Variants in TMEM8B observed in about 807,000 individuals in gnomAD.
TMEM8B encodes the protein nasopharyngeal carcinoma expressed 6.
In TMEM8B, 29 loss-of-function variants were observed where a neutral mutation model predicts 49.3. The observed-to-expected ratio is 0.59, with a 90% CI of 0.44 to 0.80. The LOEUF is 0.80. TMEM8B is among the 30% of genes least tolerant of loss of function. TMEM8B has a pLI of 0.00. For missense variants in TMEM8B, 575 were observed against 658.5 expected, an observed-to-expected ratio of 0.87 and a Z score of 1.39; for synonymous variants, 264 against 272.8, an observed-to-expected ratio of 0.97 and a Z score of 0.32.
At chr9:35,850,012 C>T (rs1001809238) in intron 10 of TMEM8B, among the ~76,000 whole-genome samples, 5 of 152,198 alleles carry the variant, frequency 3.3e-5, no homozygotes, top group Admixed American at 6.5e-5. Flanking sequence ...CTTCTCATTA[C>T]GCCTTATATC....
At chr9:35,847,039 G>A (rs1181229876) in intron 10 of TMEM8B, 44 bp downstream of exon 10, 1 of 1,614,210 alleles carries the variant, frequency 6.2e-7, no homozygotes, top group Non-Finnish European at 8.5e-7. Context: ...GCTTGTGCAT[G>A]GTGGTGGGTC....
In TMEM8B at chr9:35,846,505, G is replaced by C. The variant is rs750230375; in HGVS notation, c.1890G>C (p.Arg630=). 9 of 1,596,122 alleles carry C rather than the reference G, an allele frequency of 5.6e-6. No individual in the cohort carries two copies. Among genetic ancestry groups the C allele is most frequent in the Non-Finnish European group, 7.7e-6 (9 of 1,171,470 alleles). The change falls in exon 9 of 13, where the codon CGG becomes CGC. Residue 630 remains arginine (R), a synonymous_variant. Coordinates refer to ENST00000643932, the MANE Select transcript of TMEM8B (RefSeq NM_001042590.4). ...GCCGCAACGCGACGGCCGAGGTGCG[G>C]ATGCGCACCTTCCTGTCCCCATGCG... ...VRCRNATAEV[R]MRTFLSPCVD...
In TMEM8B at chr9:35,842,447, G is replaced by T; in HGVS notation, c.1365G>T (p.Met455Ile). Residue 455 changes from methionine to isoleucine, a missense_variant, in exon 6 of 13, where the codon ATG becomes ATT. Physicochemically the swap from Met to Ile is conservative, Grantham distance 10. Transcript: ENST00000643932. This position sits in a 1 kb window ranked among gnomAD's most constrained non-coding sequence, Gnocchi z 5.6. ...TGGTCCCTGGAGCTGCCATGAACAT[G>T]CCCCAGTCCCTGGGCAACCAGCCAC... ...RALVPGAAMN[M>I]PQSLGNQPLP... 3.8e-6 allele frequency: 6 copies of T among 1,572,456 alleles called. No homozygotes were observed. Among genetic ancestry groups the T allele is most frequent in the Non-Finnish European group, 5.2e-6 (6 of 1,155,800 alleles).
At chr9:35,836,262 T>C (rs10738949) in intron 3 of TMEM8B, among the ~76,000 whole-genome samples, 129,535 of 152,098 alleles carry the variant, frequency 0.85, 55,919 homozygotes, top group Middle Eastern at 0.95. Flanking sequence ...GAGAACTCCC[T>C]ATCAAGGCCT....
Position 35,831,157 on chromosome 9 carries a change from A to T in TMEM8B, c.508+1202A>T, listed in dbSNP as rs142068403. On this transcript the variant is annotated intron_variant, in intron 1 of 12. Coordinates refer to ENST00000643932, the MANE Select transcript of TMEM8B (RefSeq NM_001042590.4). ...CCCCTGCAGAGATGTCTGGTCACTT[A>T]TGTGTATGTGTGTAACTGAGGGATT... is the stretch of plus-strand genomic sequence containing the variant. Among the ~76,000 whole-genome samples, 40 of 152,208 alleles carry T rather than the reference A, an allele frequency of 2.6e-4. No homozygotes were observed. The East Asian group carries it at 6.9e-3, about 26-fold the overall frequency.
At chr9:35,846,739 G>A in intron 9 of TMEM8B, 78 bp from the exon 10 acceptor site, 1 of 1,549,210 alleles carries the variant, frequency 6.5e-7, no homozygotes, top group Middle Eastern at 2.2e-4. Context: ...GCCGGGGTGA[G>A]ACCACCCTCC....
rs1391397338 is a variant in TMEM8B, at chr9:35,860,432, G to T, written c.*6592G>T. On this transcript the variant is annotated 3_prime_UTR_variant, in exon 13 of 13. Transcript: ENST00000643932. ...GTACCTATTCTGTGCTAGGTATCAG[G>T]TGCTGGGGCTATAGCAGTAAGGAAA... 6.6e-6 allele frequency: 1 copy of T among 152,208 alleles called. No homozygotes were observed. The highest frequency in any genetic ancestry group is 1.5e-5 in the Non-Finnish European group (1 of 68,044). 9.4% of individuals were successfully genotyped at this position (152,208 alleles called of 1,614,324 possible). A position where few individuals can be genotyped will look rare whatever the true frequency, so the allele number is the denominator to read the frequency against.
intron 3 of TMEM8B, among the ~76,000 whole-genome samples, chr9:35,838,575 T>G (rs1830664443): frequency 6.6e-6 from 1 of 152,174 alleles, no homozygotes; most frequent in South Asian, 2.1e-4. Context: ...CAGTCCTAAT[T>G]TCTTTGAATC....
Position 35,846,286 on chromosome 9 carries a change from C to T in TMEM8B, c.1758C>T (p.Val586=). The T allele has an allele frequency of 6.2e-7, 1 of 1,614,238 alleles. No individual in the cohort carries two copies. Among genetic ancestry groups the T allele is most frequent in the Non-Finnish European group, 8.5e-7 (1 of 1,180,042 alleles). Residue 586 remains valine (V), a synonymous_variant, in exon 8 of 13, where the codon GTC becomes GTT. Transcript: ENST00000643932. ...KESLAGFLLS[V]SATTRVARLR... ...CCCTGGCCGGCTTCCTCCTCTCTGT[C>T]AGTGCCACCACCAGGGTTGCCAGGC...
At chr9:35,848,290 A>C (rs186437907) in intron 10 of TMEM8B, among the ~76,000 whole-genome samples, 61 of 152,224 alleles carry the variant, frequency 4.0e-4, no homozygotes, top group African/African-American at 1.4e-3. Flanking sequence ...GCCTGCCCCC[A>C]CAGTGCCTCA....
intron 6 of TMEM8B, among the ~76,000 whole-genome samples, chr9:35,843,797 C>G (rs753545526): frequency 2.8e-4 from 42 of 152,108 alleles, no homozygotes; most frequent in Admixed American, 4.6e-4. Context: ...GAGTCTCACT[C>G]TGTTGCCCAG....
Position 35,829,352 on chromosome 9 carries a change from A to C in TMEM8B, c.-96A>C. 25 of 338,568 alleles carry C rather than the reference A, an allele frequency of 7.4e-5. No homozygotes were observed. Among genetic ancestry groups the C allele is most frequent in the Admixed American group, 4.9e-5 (1 of 20,508 alleles). The allele number at this position is 338,568 out of a possible 1,614,324, so 21.0% of individuals were successfully genotyped here. On this transcript the variant is annotated 5_prime_UTR_variant, in exon 1 of 13. Transcript: ENST00000643932. ...GCCCCCGCCCCGGGCCCGCGAGGAC[A>C]CCGGAGGCCACCCCCCGGGGGTGGG... is the stretch of plus-strand genomic sequence containing the variant.
At chr9:35,837,129 G>T (rs771733302) in intron 3 of TMEM8B, among the ~76,000 whole-genome samples, 28 of 152,140 alleles carry the variant, frequency 1.8e-4, no homozygotes, top group Non-Finnish European at 3.7e-4. Flanking sequence ...AGGAATTTAT[G>T]TGGGTTTAGG....
intron 6 of TMEM8B, among the ~76,000 whole-genome samples, chr9:35,844,218 C>T (rs1831290501): frequency 1.3e-5 from 2 of 152,248 alleles, no homozygotes; most frequent in African/African-American, 4.8e-5. Flanking sequence ...ATTTATGTCC[C>T]TCCTTGAGGT....
Position 35,853,095 on chromosome 9 carries a change from T to C in TMEM8B, c.2323-46T>C, listed in dbSNP as rs777059751. ...GATTCTGACCCAGGCCCTGGAGTGC[T>C]GTCTGTCACCTGGCCCTAGCCCAGC... On this transcript the variant is annotated intron_variant, in intron 11 of 12. Coordinates refer to ENST00000643932, the MANE Select transcript of TMEM8B (RefSeq NM_001042590.4). This position sits in a 1 kb window ranked among gnomAD's most constrained non-coding sequence, Gnocchi z 4.2. 6.2e-7 allele frequency: 1 copy of C among 1,608,234 alleles called. No individual in the cohort carries two copies. The highest frequency in any genetic ancestry group is 2.2e-5 in the East Asian group (1 of 44,848).
intron 10 of TMEM8B, among the ~76,000 whole-genome samples, chr9:35,849,715 T>C (rs772339391): frequency 1.3e-5 from 2 of 152,198 alleles, no homozygotes; most frequent in Non-Finnish European, 2.9e-5. Flanking sequence ...TCCTGGAGTA[T>C]GTAGAAAAAG....
At chr9:35,832,085 G>C (rs544090566) in intron 1 of TMEM8B, among the ~76,000 whole-genome samples, 1 of 151,898 alleles carries the variant, frequency 6.6e-6, no homozygotes, top group Non-Finnish European at 1.5e-5. Flanking sequence ...CACGTGCCTT[G>C]CTATTCAAAA....
intron 10 of TMEM8B, 68 bp downstream of exon 10, chr9:35,847,063 C>G (rs1357516904): frequency 6.2e-7 from 1 of 1,614,210 alleles, no homozygotes; most frequent in South Asian, 1.1e-5. Context: ...GTCTGTATTT[C>G]CACCACGTTC....
Position 35,842,399 on chromosome 9 carries a change from A to C in TMEM8B, c.1317A>C (p.Pro439=), listed in dbSNP as rs200284888. 3,237 of 1,519,250 alleles carry C rather than the reference A, an allele frequency of 2.1e-3. 8 individuals are homozygous for C. Among genetic ancestry groups the C allele is most frequent in the Non-Finnish European group, 2.6e-3 (2,930 of 1,133,226 alleles). 94.1% of individuals were successfully genotyped at this position (1,519,250 alleles called of 1,614,324 possible). The change falls in exon 6 of 13, where the codon CCA becomes CCC. Residue 439 remains proline (P), a synonymous_variant. Transcript: ENST00000643932. This position sits in a 1 kb window ranked among gnomAD's most constrained non-coding sequence, Gnocchi z 5.6. ...GTTTCCTCTGCCCCACAGAGTGCCC[A>C]CAGCCCGGCCTGCTCCGAGCCCTGG... is the stretch of plus-strand genomic sequence containing the variant. The part of the protein sequence containing the change: ...FQLCVRLQEC[P]QPGLLRALVP...
Sources: allele counts gnomAD v4.1 joint callset (sites outside exome capture counted in the v4.1 genomes callset), GRCh38; gene constraint gnomAD v4.1.1; non-coding constraint Gnocchi (gnomAD v3.1); transcripts MANE v1.5; gene names NCBI Gene and HGNC (gene_info 2026-07-23, HGNC 2026-07-21).